PTPRF: variants seen among roughly 807,000 people sequenced by gnomAD.
The protein encoded by PTPRF is receptor-type tyrosine-protein phosphatase F.
In PTPRF, 59 loss-of-function variants were observed where a neutral mutation model predicts 201.8. That is an observed-to-expected ratio of 0.29 (90% CI 0.24 to 0.36). The LOEUF is 0.36. Ranked by LOEUF, PTPRF falls within the 10% of genes least tolerant of loss-of-function variation. The probability of loss-of-function intolerance (pLI) is 1.00; values close to 1 mark genes in which losing one functional copy is unlikely to be tolerated. For synonymous variants in PTPRF, 1,088 were observed against 1,089.7 expected, an observed-to-expected ratio of 1.00 and a Z score of 0.03; for missense variants, 2,132 against 2,690.5, an observed-to-expected ratio of 0.79 and a Z score of 4.59.
intron 2 of PTPRF, among the ~76,000 whole-genome samples, chr1:43,543,795 T>C (rs925907940): frequency 2.5e-4 from 38 of 152,328 alleles, no homozygotes; most frequent in African/African-American, 9.1e-4. Context: ...AGTCCATGCG[T>C]ATCACTGTGG....
Position 43,620,528 on chromosome 1 carries a change from G to C in PTPRF, c.5313G>C (p.Glu1771Asp). 1 of 1,614,118 alleles carries C rather than the reference G, an allele frequency of 6.2e-7. No homozygotes were observed. The highest frequency in any genetic ancestry group is 8.5e-7 in the Non-Finnish European group (1 of 1,179,954). ...ACTTTGTTGTTGACCCGATGGCTGA[G>C]TACAACATGCCCCAGTATATCCTGC... ...YQYFVVDPMAEYNMPQYILRE... is the reference protein window; with the variant it reads ...YQYFVVDPMADYNMPQYILRE... The change falls in exon 31 of 34, where the codon GAG (glutamate) becomes GAC (aspartate). Residue 1771 changes from glutamate (E) to aspartate (D), a missense_variant. Coordinates refer to ENST00000359947, the MANE Select transcript of PTPRF (RefSeq NM_002840.5).
intron 11 of PTPRF, among the ~76,000 whole-genome samples, chr1:43,594,974 G>C (rs76597602): frequency 0.01 from 1,529 of 152,296 alleles, 33 homozygotes; most frequent in African/African-American, 0.036. Context: ...ACGAGATGCT[G>C]CTGAGCGGTC....
intron 11 of PTPRF, 72 bp from the exon 12 acceptor site, chr1:43,597,676 C>T (rs1463376927): frequency 4.5e-6 from 5 of 1,116,738 alleles, no homozygotes; most frequent in Non-Finnish European, 6.5e-6. Context: ...CTCCAGTCCA[C>T]TGTGACTCAG....
chr1:43,609,450 C>T lies in PTPRF; in HGVS notation c.3925C>T (p.His1309Tyr). The T allele has an allele frequency of 6.2e-7, 1 of 1,614,072 alleles. No individual in the cohort carries two copies. Among genetic ancestry groups the T allele is most frequent in the South Asian group, 1.1e-5 (1 of 91,056 alleles). The change falls in exon 22 of 34, where the codon CAC becomes TAC. Residue 1309 changes from histidine to tyrosine, a missense_variant. His to Tyr is a moderately conservative substitution (Grantham distance 83, BLOSUM62 2). Around this residue, in one of 6 missense-constraint regions of PTPRF, gnomAD observed 818 missense variants for 915.3 expected, o/e 0.89. Coordinates refer to ENST00000359947, the MANE Select transcript of PTPRF (RefSeq NM_002840.5). Reference sequence around the variant, plus strand: ...CGGACTGAAGGACTCCTTGCTGGCCCACTCCTCTGACCCTGTGGAGATGCG... The same window carrying T: ...CGGACTGAAGGACTCCTTGCTGGCCTACTCCTCTGACCCTGTGGAGATGCG... ...SIGLKDSLLAHSSDPVEMRRL... is the reference protein window; with the variant it reads ...SIGLKDSLLAYSSDPVEMRRL...
chr1:43,560,672 G>A (rs1023669918), intron 5 of PTPRF, among the ~76,000 whole-genome samples: 2 of 152,176 alleles, frequency 1.3e-5, no homozygotes, highest in African/African-American at 2.4e-5. Context: ...CAGGAAGTTC[G>A]ACAGAGTTGG....
In PTPRF at chr1:43,605,637, G is replaced by A; in HGVS notation, c.3483+15G>A. On this transcript the variant is annotated intron_variant, in intron 19 of 33. Transcript: ENST00000359947. The stretch of plus-strand genomic sequence containing the variant: ...AGCTGGACGAGGTACCTGGGGAGGG[G>A]ATGGGGACACTGACAGCCCCATTGC... 6.2e-7 allele frequency: 1 copy of A among 1,612,076 alleles called. No individual in the cohort carries two copies. Among genetic ancestry groups the A allele is most frequent in the Non-Finnish European group, 8.5e-7 (1 of 1,178,380 alleles).
chr1:43,616,463 A>G (rs1472058848), intron 23 of PTPRF, among the ~76,000 whole-genome samples: 2 of 151,700 alleles, frequency 1.3e-5, no homozygotes, highest in Non-Finnish European at 2.9e-5. Flanking sequence ...AAGAGGAAAG[A>G]GGCAGGAAGA....
chr1:43,532,541 G>C (rs1643682364), intron 1 of PTPRF: 1 of 169,540 alleles, frequency 5.9e-6, no homozygotes, highest in African/African-American at 2.4e-5. Context: ...AAAAGGATGT[G>C]GGGTGGTGGT....
Position 43,578,904 on chromosome 1 carries a change from G to A in PTPRF, c.663G>A (p.Ala221=), listed in dbSNP as rs540168118. 746 of 1,614,186 alleles carry A rather than the reference G, an allele frequency of 4.6e-4. 25 individuals carry two copies. The South Asian group carries it at 7.5e-3, about 16-fold the overall frequency. Residue 221 remains alanine (A), a synonymous_variant, in exon 7 of 34, where the codon GCG becomes GCA. Coordinates refer to ENST00000359947, the MANE Select transcript of PTPRF (RefSeq NM_002840.5). ...CAGGCACACGTTACTCAGCCCCTGC[G>A]AACCTGTATGTGCGAGGTAAGGACT... The part of the protein sequence containing the change: ...NSAGTRYSAP[A]NLYVRVRRVA...
At chr1:43,563,037 G>T (rs913119639) in intron 5 of PTPRF, among the ~76,000 whole-genome samples, 1 of 150,258 alleles carries the variant, frequency 6.7e-6, no homozygotes, top group African/African-American at 2.5e-5. Context: ...AATTAGCTGG[G>T]TGTGGTGGCA....
At chr1:43,550,155 G>A (rs911309513) in intron 3 of PTPRF, among the ~76,000 whole-genome samples, 2 of 151,812 alleles carry the variant, frequency 1.3e-5, no homozygotes, top group African/African-American at 2.4e-5. Flanking sequence ...AGTCTGTTGG[G>A]TGGGCGGGCA....
At chr1:43,569,229 C>CA (rs1557733689) in intron 5 of PTPRF, among the ~76,000 whole-genome samples, 1 of 143,020 alleles carries the variant, frequency 7.0e-6, no homozygotes, top group African/African-American at 2.6e-5. Context: ...GCCCCCCCCC[C>CA]CACCCCCTGC....
Position 43,620,518 on chromosome 1 carries a change from C to T in PTPRF, c.5303C>T (p.Pro1768Leu), listed in dbSNP as rs773594682. ...CGCTACCAGTACTTTGTTGTTGACC[C>T]GATGGCTGAGTACAACATGCCCCAG... Reference protein sequence around the residue: ...SARYQYFVVDPMAEYNMPQYI... With the variant: ...SARYQYFVVDLMAEYNMPQYI... Residue 1768 changes from proline to leucine, a missense_variant, in exon 31 of 34, where the codon CCG (proline) becomes CTG (leucine). Pro to Leu is a moderately conservative substitution (Grantham distance 98, BLOSUM62 -3). Transcript: ENST00000359947. 1.2e-5 allele frequency: 20 copies of T among 1,613,764 alleles called. No individual in the cohort carries two copies. Among genetic ancestry groups the T allele is most frequent in the Admixed American group, 6.7e-5 (4 of 60,000 alleles).
intron 7 of PTPRF, among the ~76,000 whole-genome samples, chr1:43,585,881 G>T (rs568937188): frequency 6.6e-6 from 1 of 152,098 alleles, no homozygotes; most frequent in African/African-American, 2.4e-5. Context: ...TTCCACCACC[G>T]ACTGGGGTCA....
chr1:43,613,578 C>T (rs372760484), intron 22 of PTPRF, 40 bp from the exon 23 acceptor site: 24 of 1,527,350 alleles, frequency 1.6e-5, no homozygotes, highest in Non-Finnish European at 2.2e-5. Context: ...CTGCTCAAGC[C>T]TCACACTAAT....
At chr1:43,615,587 T>TTTTTTG in intron 23 of PTPRF, among the ~76,000 whole-genome samples, 2 of 143,768 alleles carry the variant, frequency 1.4e-5, no homozygotes, top group African/African-American at 2.7e-5. Context: ...TTTTTCTTTT[T>TTTTTTG]TGGAAGTCTC....
At chr1:43,587,505 G>A (rs1649461046) in intron 7 of PTPRF, among the ~76,000 whole-genome samples, 1 of 152,220 alleles carries the variant, frequency 6.6e-6, no homozygotes, top group South Asian at 2.1e-4. Context: ...GGACCGGGAG[G>A]TCTCTGAAGT....
rs148025728 is a variant in PTPRF, at chr1:43,542,737, G to T, written c.-45-2294G>T. Among the ~76,000 whole-genome samples the T allele has an allele frequency of 6.6e-6, 1 of 152,152 alleles. No individual in the cohort carries two copies. Among genetic ancestry groups the T allele is most frequent in the South Asian group, 2.1e-4 (1 of 4,820 alleles). On this transcript the variant is annotated intron_variant, in intron 2 of 33. Coordinates refer to ENST00000359947, the MANE Select transcript of PTPRF (RefSeq NM_002840.5). This position sits in a 1 kb window ranked among gnomAD's most constrained non-coding sequence, Gnocchi z 5.2. ...CATGATGTCTGTACCCTCTGTGTCC[G>T]CCCACGTGATGTCTAGACCACACCA...
intron 7 of PTPRF, chr1:43,583,046 C>T (rs541983946): frequency 7.6e-5 from 75 of 983,464 alleles, no homozygotes; most frequent in East Asian, 1.1e-4. Context: ...TCATCTTCAT[C>T]GCACTCTGCC....
Sources: gnomAD v4.1 joint callset for allele counts (sites outside exome capture counted in the v4.1 genomes callset) on GRCh38, gnomAD v4.1.1 for gene constraint, gnomAD v4.1.1 regional missense constraint, Gnocchi (gnomAD v3.1) non-coding constraint, MANE v1.5 for transcripts, NCBI Gene and HGNC (gene_info 2026-07-23, HGNC 2026-07-21) for gene names.